The following CAPN7 variants were observed in gnomAD, a reference collection of about 807,000 sequenced individuals.
CAPN7 encodes calpain 7, also known as calpain-7.
A neutral mutation model predicts 115.2 loss-of-function variants in CAPN7; 72 were observed. The observed-to-expected ratio is 0.63, with a 90% confidence interval of 0.52 to 0.76. The LOEUF is 0.76. CAPN7 is among the 30% of genes least tolerant of loss of function. The pLI, the probability that CAPN7 is intolerant of heterozygous loss-of-function variation, is 0.00. For missense variants in CAPN7, 905 were observed against 971.5 expected, an observed-to-expected ratio of 0.93 and a Z score of 0.91; for synonymous variants, 344 against 322.3, an observed-to-expected ratio of 1.07 and a Z score of -0.72.
At chr3:15,224,829 T>C (rs984584443) in intron 6 of CAPN7, among the ~76,000 whole-genome samples, 6 of 152,226 alleles carry the variant, frequency 3.9e-5, no homozygotes, top group East Asian at 1.9e-4. Flanking sequence ...TTCTAGTGTT[T>C]TGCTGTTCTT....
chr3:15,241,614 C>A, intron 15 of CAPN7, 26 bp downstream of exon 15: 2 of 1,593,732 alleles, frequency 1.3e-6, no homozygotes, highest in Non-Finnish European at 1.7e-6. Context: ...TAATGATATC[C>A]CATACAGAAA....
At chr3:15,222,030 T>C (rs1480148549) in intron 5 of CAPN7, among the ~76,000 whole-genome samples, 6 of 150,812 alleles carry the variant, frequency 4.0e-5, no homozygotes, top group South Asian at 2.1e-4. Context: ...TATACGTATA[T>C]ATATATGTAA....
chr3:15,212,920 C>T (rs1237462174), intron 2 of CAPN7, among the ~76,000 whole-genome samples: 16 of 152,156 alleles, frequency 1.1e-4, no homozygotes, highest in Admixed American at 5.2e-4. Context: ...AACTTTCTAC[C>T]ACTCATTTTG....
intron 6 of CAPN7, among the ~76,000 whole-genome samples, chr3:15,224,576 C>T (rs2124930877): frequency 6.6e-6 from 1 of 151,014 alleles, no homozygotes; most frequent in East Asian, 1.9e-4. Flanking sequence ...CCTGACCCTT[C>T]TTTTTCTTTT....
chr3:15,218,827 T>C (rs1693794112), intron 4 of CAPN7, among the ~76,000 whole-genome samples: 1 of 152,228 alleles, frequency 6.6e-6, no homozygotes, highest in Non-Finnish European at 1.5e-5. Flanking sequence ...TATCAGACTT[T>C]CAAAGAGAAC....
chr3:15,246,633 TA>T, intron 17 of CAPN7, 98 bp from the exon 18 acceptor site: 1 of 838,118 alleles, frequency 1.2e-6, no homozygotes, highest in Non-Finnish European at 2.0e-6. Context: ...ATGACTTGTG[TA>T]TGCCAACTGA....
chr3:15,208,931 CT>C (rs1341909843), intron 1 of CAPN7, among the ~76,000 whole-genome samples: 1 of 152,062 alleles, frequency 6.6e-6, no homozygotes, highest in African/African-American at 2.4e-5. Flanking sequence ...AATAGTAGTA[CT>C]TTTTTTCACA....
intron 8 of CAPN7, among the ~76,000 whole-genome samples, chr3:15,230,072 T>A (rs1694594483): frequency 6.6e-6 from 1 of 152,222 alleles, no homozygotes; most frequent in Admixed American, 6.5e-5. Flanking sequence ...CAAAGTTGTA[T>A]CTACTTGCCT....
At chr3:15,206,755 C>G (rs890508114) in intron 1 of CAPN7, among the ~76,000 whole-genome samples, 158 bp downstream of exon 1, 1 of 152,228 alleles carries the variant, frequency 6.6e-6, no homozygotes, top group Non-Finnish European at 1.5e-5. Context: ...GCGGCAAGCC[C>G]GAGTGCAGAG....
intron 12 of CAPN7, among the ~76,000 whole-genome samples, chr3:15,235,900 A>T (rs1694964747): frequency 6.6e-6 from 1 of 152,148 alleles, no homozygotes; most frequent in Admixed American, 6.6e-5. Flanking sequence ...CACATTTATA[A>T]TCCCGATACT....
Position 15,251,345 on chromosome 3 carries a change from G to C in CAPN7, c.*85G>C, listed in dbSNP as rs1695997174. 5 of 1,110,538 alleles carry C rather than the reference G, an allele frequency of 4.5e-6. No individual in the cohort carries two copies. In the Admixed American group the frequency reaches 7.3e-5, roughly 16 times the overall value. 68.8% of individuals were successfully genotyped at this position (1,110,538 alleles called of 1,614,324 possible). Reference sequence around the variant, plus strand: ...ACGCAAATCTTCAGGACAGTAAGCAGAACAATCAGAATGGAATTAAATCTC... The same window carrying C: ...ACGCAAATCTTCAGGACAGTAAGCACAACAATCAGAATGGAATTAAATCTC... On this transcript the variant is annotated 3_prime_UTR_variant, in exon 21 of 21. Coordinates refer to ENST00000253693, the MANE Select transcript of CAPN7 (RefSeq NM_014296.3).
At chr3:15,246,690 G>A (rs113790423) in intron 17 of CAPN7, 42 bp from the exon 18 acceptor site, 1 of 1,350,270 alleles carries the variant, frequency 7.4e-7, no homozygotes, top group African/African-American at 1.4e-5. Flanking sequence ...TGATGTTCTT[G>A]TAAGTGTAAA....
chr3:15,223,417 A>G (rs955617487), intron 5 of CAPN7, 58 bp from the exon 6 acceptor site: 2 of 1,051,144 alleles, frequency 1.9e-6, no homozygotes, highest in Non-Finnish European at 3.0e-6. Flanking sequence ...AAGAGTTGAA[A>G]TAAGATTGGC....
intron 4 of CAPN7, among the ~76,000 whole-genome samples, chr3:15,219,474 A>G (rs7645160): frequency 0.12 from 17,961 of 152,208 alleles, 3,536 homozygotes; most frequent in African/African-American, 0.41. Flanking sequence ...TCAGATTCAC[A>G]AAGATACGAG....
intron 12 of CAPN7, among the ~76,000 whole-genome samples, chr3:15,238,112 T>C (rs1330285062): frequency 4.9e-5 from 6 of 122,874 alleles, no homozygotes; most frequent in Non-Finnish European, 8.7e-5. Flanking sequence ...TGACTTCTTT[T>C]TTTTTTTTTT....
chr3:15,232,802 G>A, intron 10 of CAPN7, 137 bp downstream of exon 10: 1 of 667,792 alleles, frequency 1.5e-6, no homozygotes, highest in Non-Finnish European at 2.4e-6. Flanking sequence ...AGGATGACCA[G>A]TCCCCGTATT....
intron 6 of CAPN7, among the ~76,000 whole-genome samples, chr3:15,226,098 TG>T (rs200016440): frequency 0.052 from 7,948 of 152,228 alleles, 731 homozygotes; most frequent in African/African-American, 0.18. Context: ...TTTTTTGAGA[TG>T]GAGTCTCACT....
In CAPN7 at chr3:15,217,432, A is replaced by G. The variant is rs1693701328; in HGVS notation, c.219A>G (p.Ser73=). The G allele has an allele frequency of 6.2e-7, 1 of 1,610,820 alleles. No individual in the cohort carries two copies. The highest frequency in any genetic ancestry group is 8.5e-7 in the Non-Finnish European group (1 of 1,178,712). The part of the protein sequence containing the change: ...RVQALHSAVQ[S]KSADPLKSKH... ...TTTTTTTTTCTATCCTAGTTCAGTC[A>G]AAGAGTGCTGATCCTTTGAAGTCAA... The change falls in exon 3 of 21, where the codon TCA becomes TCG. Residue 73 remains serine (S), a synonymous_variant. Transcript: ENST00000253693.
At chr3:15,250,479 T>TC (rs1458666976) in intron 19 of CAPN7, among the ~76,000 whole-genome samples, 1 of 152,006 alleles carries the variant, frequency 6.6e-6, no homozygotes, top group Admixed American at 6.6e-5. Context: ...GACCAGCCTC[T>TC]CCAACATGAT....
Sources: gnomAD v4.1 joint callset for allele counts (sites outside exome capture counted in the v4.1 genomes callset) on GRCh38, gnomAD v4.1.1 for gene constraint, MANE v1.5 for transcripts, NCBI Gene and HGNC (gene_info 2026-07-23, HGNC 2026-07-21) for gene names.